Variants in PCDHB8 observed in about 807,000 individuals in gnomAD.
The protein encoded by PCDHB8 is protocadherin beta-8.
For synonymous variants in PCDHB8, 385 were observed against 448.5 expected, an observed-to-expected ratio of 0.86 and a Z score of 1.79; for missense variants, 836 against 1,004.0, an observed-to-expected ratio of 0.83 and a Z score of 2.26.
Position 141,178,946 on chromosome 5 carries a change from A to G in PCDHB8, c.912A>G (p.Leu304=), listed in dbSNP as rs1554281056. ...KVDFLTGEIR[L]KKQLDFEKFQ... Reference sequence around the variant, plus strand: ...ATTTCTTGACAGGAGAAATTCGACTAAAGAAACAACTTGATTTCGAAAAAT... The same window carrying G: ...ATTTCTTGACAGGAGAAATTCGACTGAAGAAACAACTTGATTTCGAAAAAT... Residue 304 remains leucine, a synonymous_variant, in exon 1 of 1, where the codon CTA becomes CTG. Transcript: ENST00000239444. 1.2e-6 allele frequency: 2 copies of G among 1,614,276 alleles called. No homozygotes were observed. The highest frequency in any genetic ancestry group is 1.7e-6 in the Non-Finnish European group (2 of 1,180,056).
Position 141,180,267 on chromosome 5 carries a change from A to G in PCDHB8, c.2233A>G (p.Ser745Gly), listed in dbSNP as rs1753526686. The G allele has an allele frequency of 6.2e-7, 1 of 1,613,646 alleles. No individual in the cohort carries two copies. The highest frequency in any genetic ancestry group is 1.7e-5 in the Admixed American group (1 of 59,988). The change falls in exon 1 of 1, where the codon AGC becomes GGC. Residue 745 changes from serine to glycine, a missense_variant. Coordinates refer to ENST00000239444, the MANE Select transcript of PCDHB8 (RefSeq NM_019120.5). Reference protein sequence around the residue: ...GHLVDVRGTGSLSQNYQYEVC... With the variant: ...GHLVDVRGTGGLSQNYQYEVC... ...TCTGGTGGACGTGAGGGGCACCGGG[A>G]GCCTGTCTCAGAACTATCAGTACGA...
rs782386871 is a variant in PCDHB8, at chr5:141,180,100, T to C, written c.2066T>C (p.Val689Ala). 1.2e-6 allele frequency: 2 copies of C among 1,610,662 alleles called. No individual in the cohort carries two copies. The highest frequency in any genetic ancestry group is 1.7e-6 in the Non-Finnish European group (2 of 1,179,848). ...PAQGQADSLT[V>A]YLVVALASVS... ...CAGGGCCAGGCCGACTCTCTCACCGTCTACCTGGTGGTGGCGTTGGCCTCG... is the reference window on the plus strand; with the variant it reads ...CAGGGCCAGGCCGACTCTCTCACCGCCTACCTGGTGGTGGCGTTGGCCTCG... The change falls in exon 1 of 1, where the codon GTC becomes GCC. Residue 689 changes from valine (V) to alanine (A), a missense_variant. Physicochemically the swap from Val to Ala is moderately conservative, Grantham distance 64. Transcript: ENST00000239444.
At position 141,179,068 on chromosome 5, in the gene PCDHB8, C is replaced by T; in HGVS notation, c.1034C>T (p.Ala345Val). The T allele has an allele frequency of 6.2e-7, 1 of 1,614,228 alleles. No homozygotes were observed. The highest frequency in any genetic ancestry group is 1.3e-5 in the African/African-American group (1 of 75,050). Residue 345 changes from alanine to valine, a missense_variant, in exon 1 of 1, where the codon GCC becomes GTC. Ala to Val is a moderately conservative substitution (Grantham distance 64). Coordinates refer to ENST00000239444, the MANE Select transcript of PCDHB8 (RefSeq NM_019120.5). ...LIQVIDVNDH[A>V]PEVTMSAFTS... is the part of the protein sequence containing the mutation. ...CAAGTGATAGATGTGAACGACCATG[C>T]CCCAGAAGTTACCATGTCTGCATTT...
At position 141,179,172 on chromosome 5, in the gene PCDHB8, G is replaced by A. The variant is rs781907782; in HGVS notation, c.1138G>A (p.Gly380Arg). ...TTCAGACCTTGATTCAGGAGAAAAT[G>A]GGAAAATAAGTTGCTCCATTCAGGA... ...SVSDLDSGENGKISCSIQEDL... is the reference protein window; with the variant it reads ...SVSDLDSGENRKISCSIQEDL... Residue 380 changes from glycine to arginine, a missense_variant, in exon 1 of 1, where the codon GGG (glycine) becomes AGG (arginine). Transcript: ENST00000239444. 3 of 1,614,164 alleles carry A rather than the reference G, an allele frequency of 1.9e-6. No homozygotes were observed. The highest frequency in any genetic ancestry group is 3.3e-5 in the Admixed American group (2 of 60,018).
rs1753416281 is a variant in PCDHB8, at chr5:141,177,822, A to C, written c.-213A>C. The C allele has an allele frequency of 1.4e-5, 9 of 626,650 alleles. No homozygotes were observed. In the South Asian group the frequency reaches 1.8e-4, roughly 13 times the overall value. The allele number at this position is 626,650 out of a possible 1,614,324, so 38.8% of individuals were successfully genotyped here. On this transcript the variant is annotated 5_prime_UTR_variant, in exon 1 of 1. Coordinates refer to ENST00000239444, the MANE Select transcript of PCDHB8 (RefSeq NM_019120.5). ...GCAGGATAAGAAGGCACAAACCAGA[A>C]CCGCAGCTGCAGCTCCATTAACCGG...
Position 141,179,702 on chromosome 5 carries a change from C to G in PCDHB8, c.1668C>G (p.Asn556Lys), listed in dbSNP as rs554764374. The change falls in exon 1 of 1, where the codon AAC becomes AAG. Residue 556 changes from asparagine (N) to lysine (K), a missense_variant. Transcript: ENST00000239444. ...ALVRVLVLDA[N>K]DNSPFVLYPL... ...TGCGCGTGCTGGTGCTGGACGCCAACGACAACTCGCCCTTCGTGCTGTACC... is the reference window on the plus strand; with the variant it reads ...TGCGCGTGCTGGTGCTGGACGCCAAGGACAACTCGCCCTTCGTGCTGTACC... 1.9e-6 allele frequency: 3 copies of G among 1,611,996 alleles called. No homozygotes were observed. The highest frequency in any genetic ancestry group is 1.1e-5 in the South Asian group (1 of 90,994).
rs1554280985 is a variant in PCDHB8 at position 141,178,637 on chromosome 5, G to C, written c.603G>C (p.Leu201=). The change falls in exon 1 of 1, where the codon CTG becomes CTC. Residue 201 remains leucine (L), a synonymous_variant. Coordinates refer to ENST00000239444, the MANE Select transcript of PCDHB8 (RefSeq NM_019120.5). Reference sequence around the variant, plus strand: ...CAGAGCTGGTGCTGGACAAAGCGCTGGACCGAGAGGAAGAAGCTGAGCTCA... The same window carrying C: ...CAGAGCTGGTGCTGGACAAAGCGCTCGACCGAGAGGAAGAAGCTGAGCTCA... ...KYPELVLDKA[L]DREEEAELRL... 1 of 1,613,272 alleles carries C rather than the reference G, an allele frequency of 6.2e-7. No homozygotes were observed. The highest frequency in any genetic ancestry group is 2.2e-5 in the East Asian group (1 of 44,754).
rs782082138 is a variant in PCDHB8, at chr5:141,178,312, G to C, written c.278G>C (p.Arg93Pro). ...ADLLLNEKLDREDLCGHTEPC... is the reference protein window; with the variant it reads ...ADLLLNEKLDPEDLCGHTEPC... ...TTGTTGCTAAATGAGAAATTGGACCGTGAGGATCTGTGCGGTCACACAGAG... is the reference window on the plus strand; with the variant it reads ...TTGTTGCTAAATGAGAAATTGGACCCTGAGGATCTGTGCGGTCACACAGAG... The change falls in exon 1 of 1, where the codon CGT becomes CCT. Residue 93 changes from arginine to proline, a missense_variant. Arg to Pro is a moderately radical substitution (Grantham distance 103). Transcript: ENST00000239444. The C allele has an allele frequency of 4.0e-6, 6 of 1,508,916 alleles. No homozygotes were observed. Among genetic ancestry groups the C allele is most frequent in the Admixed American group, 1.7e-5 (1 of 57,660 alleles). The allele number at this position is 1,508,916 out of a possible 1,614,324, so 93.5% of individuals were successfully genotyped here. A position where few individuals can be genotyped will look rare whatever the true frequency, so the allele number is the denominator to read the frequency against.
chr5:141,179,386 C>T lies in PCDHB8; in HGVS notation c.1352C>T (p.Ala451Val), dbSNP rs1753476737. Residue 451 changes from alanine to valine, a missense_variant, in exon 1 of 1, where the codon GCC (alanine) becomes GTC (valine). Transcript: ENST00000239444. ...TCGGACGTCAATGACAACGCCCCCG[C>T]CTTCACCCAAACCTCCTACACCCTG... is the stretch of plus-strand genomic sequence containing the variant. ...LVSDVNDNAP[A>V]FTQTSYTLFV... The T allele has an allele frequency of 6.2e-7, 1 of 1,614,214 alleles. No individual in the cohort carries two copies. The highest frequency in any genetic ancestry group is 8.5e-7 in the Non-Finnish European group (1 of 1,180,042).
rs1554281719 is a variant in PCDHB8 at position 141,180,377 on chromosome 5, G to T, written c.2343G>T (p.Gly781=). The change falls in exon 1 of 1, where the codon GGG becomes GGT. Residue 781 remains glycine (G), a synonymous_variant. Transcript: ENST00000239444. ...VLPNIQGHSF[G]PEMEQNSNFR... ...CTAATATTCAGGGCCATTCTTTTGG[G>T]CCAGAAATGGAACAAAACTCTAACT... 1.2e-6 allele frequency: 2 copies of T among 1,611,568 alleles called. No homozygotes were observed. Among genetic ancestry groups the T allele is most frequent in the Admixed American group, 3.3e-5 (2 of 59,980 alleles).
rs781815915 is a variant in PCDHB8 at position 141,179,791 on chromosome 5, T to C, written c.1757T>C (p.Leu586Pro). ...CCCCGGGCGGCCGAGCCGGGCTACC[T>C]GGTGACCAAGGTGGTGGCGGTGGAC... ...LVPRAAEPGYLVTKVVAVDGD... is the reference protein window; with the variant it reads ...LVPRAAEPGYPVTKVVAVDGD... Residue 586 changes from leucine (L) to proline (P), a missense_variant, in exon 1 of 1, where the codon CTG (leucine) becomes CCG (proline). Physicochemically the swap from Leu to Pro is moderately conservative, Grantham distance 98. Transcript: ENST00000239444. 6.2e-7 allele frequency: 1 copy of C among 1,610,602 alleles called. No homozygotes were observed. The highest frequency in any genetic ancestry group is 8.5e-7 in the Non-Finnish European group (1 of 1,179,544).
Position 141,180,184 on chromosome 5 carries a change from G to A in PCDHB8, c.2150G>A (p.Arg717Lys), listed in dbSNP as rs372266497. Residue 717 changes from arginine to lysine, a missense_variant, in exon 1 of 1, where the codon AGG becomes AAG. Transcript: ENST00000239444. ...LLFVAVLLCR[R>K]SRAASVGRCS... ...TTCGTGGCGGTGCTGCTGTGTAGGAGGAGCAGGGCGGCCTCGGTGGGTCGC... is the reference window on the plus strand; with the variant it reads ...TTCGTGGCGGTGCTGCTGTGTAGGAAGAGCAGGGCGGCCTCGGTGGGTCGC... 1.5e-4 allele frequency: 237 copies of A among 1,612,428 alleles called. No individual in the cohort carries two copies. The highest frequency in any genetic ancestry group is 1.9e-4 in the Non-Finnish European group (221 of 1,179,918).
Position 141,178,762 on chromosome 5 carries a change from T to G in PCDHB8, c.728T>G (p.Phe243Cys). ...GATGTCAATGATAATGCCCCTGAAT[T>G]TGAGCAGCCTTTCTATAGGGTGCAG... ...VVDVNDNAPEFEQPFYRVQIS... is the reference protein window; with the variant it reads ...VVDVNDNAPECEQPFYRVQIS... Residue 243 changes from phenylalanine (F) to cysteine (C), a missense_variant, in exon 1 of 1, where the codon TTT (phenylalanine) becomes TGT (cysteine). Phe to Cys is a radical substitution (Grantham distance 205). Coordinates refer to ENST00000239444, the MANE Select transcript of PCDHB8 (RefSeq NM_019120.5). 2 of 1,613,584 alleles carry G rather than the reference T, an allele frequency of 1.2e-6. No homozygotes were observed. The highest frequency in any genetic ancestry group is 1.7e-6 in the Non-Finnish European group (2 of 1,179,820).
In PCDHB8 at chr5:141,179,511, C is replaced by A; in HGVS notation, c.1477C>A (p.Pro493Thr). 1 of 1,613,642 alleles carries A rather than the reference C, an allele frequency of 6.2e-7. No homozygotes were observed. The highest frequency in any genetic ancestry group is 1.1e-5 in the South Asian group (1 of 91,058). The change falls in exon 1 of 1, where the codon CCG becomes ACG. Residue 493 changes from proline (P) to threonine (T), a missense_variant. Transcript: ENST00000239444. ...CGCCCAGGTCACCTACTCGCTGCTG[C>A]CGCCCCAGGATCCGCACCTGCCCCT... is the stretch of plus-strand genomic sequence containing the variant. ...TNAQVTYSLL[P>T]PQDPHLPLAS... is the part of the protein sequence containing the mutation.
At position 141,179,231 on chromosome 5, in the gene PCDHB8, G is replaced by T. The variant is rs782335998; in HGVS notation, c.1197G>T (p.Gly399=). 1.2e-6 allele frequency: 2 copies of T among 1,614,182 alleles called. No individual in the cohort carries two copies. The highest frequency in any genetic ancestry group is 8.5e-7 in the Non-Finnish European group (1 of 1,180,040). The change falls in exon 1 of 1, where the codon GGG becomes GGT. Residue 399 remains glycine, a synonymous_variant. Coordinates refer to ENST00000239444, the MANE Select transcript of PCDHB8 (RefSeq NM_019120.5). ...CCTTCCTCCTGAAATCTTCTGTGGG[G>T]AACTTTTACACCCTACTAACAGAGA... ...DLPFLLKSSV[G]NFYTLLTETP...
chr5:141,180,124 C>T lies in PCDHB8; in HGVS notation c.2090C>T (p.Ser697Leu), dbSNP rs1439209426. ...LTVYLVVALA[S>L]VSSLFLFSVL... ...GTCTACCTGGTGGTGGCGTTGGCCT[C>T]GGTGTCTTCGCTCTTCCTCTTCTCG... Residue 697 changes from serine (S) to leucine (L), a missense_variant, in exon 1 of 1, where the codon TCG (serine) becomes TTG (leucine). Coordinates refer to ENST00000239444, the MANE Select transcript of PCDHB8 (RefSeq NM_019120.5). The T allele has an allele frequency of 1.1e-5, 17 of 1,611,032 alleles. No individual in the cohort carries two copies. The highest frequency in any genetic ancestry group is 1.4e-5 in the Non-Finnish European group (16 of 1,179,840).
Position 141,178,938 on chromosome 5 carries a change from A to G in PCDHB8, c.904A>G (p.Ile302Val), listed in dbSNP as rs781833655. The change falls in exon 1 of 1, where the codon ATT (isoleucine) becomes GTT (valine). Residue 302 changes from isoleucine to valine, a missense_variant. Transcript: ENST00000239444. The stretch of plus-strand genomic sequence containing the variant: ...TAAGGTCGATTTCTTGACAGGAGAA[A>G]TTCGACTAAAGAAACAACTTGATTT... ...TFKVDFLTGE[I>V]RLKKQLDFEK... 8.1e-6 allele frequency: 13 copies of G among 1,614,250 alleles called. No individual in the cohort carries two copies. In the South Asian group the frequency reaches 1.2e-4, roughly 15 times the overall value.
rs782573844 is a variant in PCDHB8, at chr5:141,180,479, T to C, written c.*39T>C. 2.9e-6 allele frequency: 4 copies of C among 1,358,514 alleles called. No homozygotes were observed. The highest frequency in any genetic ancestry group is 3.3e-5 in the South Asian group (2 of 59,902). 84.2% of individuals were successfully genotyped at this position (1,358,514 alleles called of 1,614,324 possible). A position where few individuals can be genotyped will look rare whatever the true frequency, so the allele number is the denominator to read the frequency against. On this transcript the variant is annotated 3_prime_UTR_variant, in exon 1 of 1. Transcript: ENST00000239444. ...ATATATTTTAATTTTTATGATCAAT[T>C]CAAAGGAATGGTTTTCTGTCAACTT...
At position 141,178,953 on chromosome 5, in the gene PCDHB8, C is replaced by A; in HGVS notation, c.919C>A (p.Gln307Lys). 6.2e-7 allele frequency: 1 copy of A among 1,614,238 alleles called. No homozygotes were observed. The highest frequency in any genetic ancestry group is 8.5e-7 in the Non-Finnish European group (1 of 1,180,048). The part of the protein sequence containing the change: ...FLTGEIRLKK[Q>K]LDFEKFQSYE... Reference sequence around the variant, plus strand: ...GACAGGAGAAATTCGACTAAAGAAACAACTTGATTTCGAAAAATTTCAGTC... The same window carrying A: ...GACAGGAGAAATTCGACTAAAGAAAAAACTTGATTTCGAAAAATTTCAGTC... The change falls in exon 1 of 1, where the codon CAA becomes AAA. Residue 307 changes from glutamine to lysine, a missense_variant. Gln to Lys is a moderately conservative substitution (Grantham distance 53, BLOSUM62 1). Transcript: ENST00000239444.
Sources: allele counts gnomAD v4.1 joint callset, GRCh38; gene constraint gnomAD v4.1.1; transcripts MANE v1.5; gene names NCBI Gene and HGNC (gene_info 2026-07-23, HGNC 2026-07-21).